PPEF1: variants seen among roughly 807,000 people sequenced by gnomAD.
PPEF1 encodes the protein protein phosphatase with EF-hand domain 1, also known as serine/threonine-protein phosphatase with EF-hands 1.
A neutral mutation model predicts 53.3 loss-of-function variants in PPEF1; 12 were observed. The observed-to-expected ratio is 0.23, with a 90% CI of 0.14 to 0.36. The LOEUF (loss-of-function observed/expected upper bound fraction) is 0.36. Among genes scored for constraint, PPEF1 ranks in the 10% least tolerant of loss-of-function variants. The pLI is 1.00. For missense variants in PPEF1, 334 were observed against 490.4 expected, an observed-to-expected ratio of 0.68 and a Z score of 3.01; for synonymous variants, 165 against 176.7, an observed-to-expected ratio of 0.93 and a Z score of 0.52.
chrX:18,748,658 T>A (rs1168940080), intron 3 of PPEF1, among the ~76,000 whole-genome samples: 1 of 112,319 alleles, frequency 8.9e-6, no homozygotes, highest in African/African-American at 3.2e-5. Flanking sequence ...TGGAGTTCAC[T>A]CATGTGTCCA....
intron 6 of PPEF1, among the ~76,000 whole-genome samples, chrX:18,775,779 A>G (rs747544937): frequency 3.6e-5 from 4 of 111,890 alleles, no homozygotes; most frequent in Non-Finnish European, 7.5e-5. Flanking sequence ...AAGCCTTTCC[A>G]TAGTTGGAGG....
chrX:18,805,496 G>A (rs1195958466), intron 11 of PPEF1, among the ~76,000 whole-genome samples: 1 of 111,701 alleles, frequency 9.0e-6, no homozygotes, highest in Non-Finnish European at 1.9e-5. Flanking sequence ...TGTCTGAAGT[G>A]ACATGCTCAT....
At chrX:18,807,096 C>A (rs1031938198) in intron 12 of PPEF1, among the ~76,000 whole-genome samples, 3 of 109,734 alleles carry the variant, frequency 2.7e-5, no homozygotes, top group Admixed American at 9.7e-5. Context: ...GTGGCGTGAT[C>A]TCAGCTCCCT....
At chrX:18,747,523 C>G (rs185083987) in intron 3 of PPEF1, among the ~76,000 whole-genome samples, 101 of 112,520 alleles carry the variant, frequency 9.0e-4, no homozygotes, top group African/African-American at 3.1e-3. Flanking sequence ...GTTGCCTAGG[C>G]TGGAGTGCAG....
At chrX:18,795,712 C>T (rs2046418204) in intron 10 of PPEF1, among the ~76,000 whole-genome samples, 1 of 111,929 alleles carries the variant, frequency 8.9e-6, no homozygotes, top group Non-Finnish European at 1.9e-5. Context: ...TTCTTAAGAA[C>T]AACAGCTATG....
intron 2 of PPEF1, 149 bp from the exon 3 acceptor site, chrX:18,733,599 G>A (rs1018201897): frequency 2.2e-6 from 1 of 446,530 alleles, no homozygotes; most frequent in African/African-American, 2.6e-5. Flanking sequence ...TCCTCTGGAG[G>A]CAGGCATAGA....
At chrX:18,824,238 G>C (rs1015914211) in intron 14 of PPEF1, 152 bp downstream of exon 14, 4 of 518,512 alleles carry the variant, frequency 7.7e-6, no homozygotes, top group African/African-American at 7.3e-5. Flanking sequence ...TCAGGAGTTC[G>C]AGACCAGCCT....
chrX:18,817,473 C>G (rs1374273260), intron 12 of PPEF1, among the ~76,000 whole-genome samples: 34 of 110,772 alleles, frequency 3.1e-4, no homozygotes, highest in Non-Finnish European at 5.7e-5. Context: ...TCCCAAGTAG[C>G]TGGGACTACA....
At chrX:18,721,841 C>G (rs1297788528) in intron 1 of PPEF1, among the ~76,000 whole-genome samples, 1 of 112,067 alleles carries the variant, frequency 8.9e-6, no homozygotes, top group Non-Finnish European at 1.9e-5. Flanking sequence ...TCTTTTGTCC[C>G]TTAGGGAAAG....
At chrX:18,804,630 T>C (rs1313266588) in intron 11 of PPEF1, among the ~76,000 whole-genome samples, 1 of 112,068 alleles carries the variant, frequency 8.9e-6, no homozygotes, top group Non-Finnish European at 1.9e-5. Flanking sequence ...TTCTGATACA[T>C]GGCACTAAGT....
chrX:18,740,808 T>C (rs976098478), intron 3 of PPEF1, among the ~76,000 whole-genome samples: 3 of 111,379 alleles, frequency 2.7e-5, no homozygotes, highest in Non-Finnish European at 5.6e-5. Context: ...TTTAAAATTA[T>C]AATTTTTTAC....
At chrX:18,759,218 C>T (rs1420450860) in intron 5 of PPEF1, among the ~76,000 whole-genome samples, 1 of 111,019 alleles carries the variant, frequency 9.0e-6, no homozygotes, top group Non-Finnish European at 1.9e-5. Flanking sequence ...AAAGACAAGG[C>T]CAGTGGGTTT....
At chrX:18,744,216 A>G (rs758120848) in intron 3 of PPEF1, among the ~76,000 whole-genome samples, 1 of 112,152 alleles carries the variant, frequency 8.9e-6, no homozygotes, top group East Asian at 2.8e-4. Flanking sequence ...TAGGAACCAG[A>G]AGGTTATTTA....
chrX:18,676,756 A>G (rs1213794655), intron 1 of PPEF1, among the ~76,000 whole-genome samples: 1 of 111,811 alleles, frequency 8.9e-6, no homozygotes, highest in Admixed American at 9.5e-5. Flanking sequence ...GTCTCTAGGA[A>G]ATGCTTTGCT....
intron 10 of PPEF1, among the ~76,000 whole-genome samples, chrX:18,789,748 C>G (rs2046291566): frequency 8.9e-6 from 1 of 112,257 alleles, no homozygotes; most frequent in South Asian, 3.7e-4. Context: ...GAGGCTCATC[C>G]ATGTTGTAGC....
At chrX:18,803,698 C>T (rs1390854173) in intron 10 of PPEF1, among the ~76,000 whole-genome samples, 194 bp from the exon 11 acceptor site, 2 of 112,046 alleles carry the variant, frequency 1.8e-5, no homozygotes, top group African/African-American at 6.5e-5. Flanking sequence ...CTCAAGCACT[C>T]CTCCCACCTC....
intron 10 of PPEF1, among the ~76,000 whole-genome samples, chrX:18,789,744 C>T (rs1458282451): frequency 8.9e-6 from 1 of 112,354 alleles, no homozygotes; most frequent in East Asian, 2.8e-4. Flanking sequence ...TCTGGAGGCT[C>T]ATCCATGTTG....
At chrX:18,757,525 C>A in intron 4 of PPEF1, 102 bp from the exon 5 acceptor site, 1 of 555,296 alleles carries the variant, frequency 1.8e-6, no homozygotes, top group Non-Finnish European at 3.0e-6. Flanking sequence ...TGAAATACAG[C>A]GACCTGAAAC....
intron 6 of PPEF1, among the ~76,000 whole-genome samples, chrX:18,765,816 C>T (rs1360787032): frequency 9.0e-6 from 1 of 110,709 alleles, no homozygotes; most frequent in African/African-American, 3.3e-5. Flanking sequence ...GCAATCCTAG[C>T]ACTTCAGGAG....
Sources: gnomAD v4.1 joint callset for allele counts (sites outside exome capture counted in the v4.1 genomes callset) on GRCh38, gnomAD v4.1.1 for gene constraint, MANE v1.5 for transcripts, NCBI Gene and HGNC (gene_info 2026-07-23, HGNC 2026-07-21) for gene names.